Variants in TIGIT observed in about 807,000 individuals in gnomAD.
TIGIT encodes T cell immunoreceptor with Ig and ITIM domains, also known as T-cell immunoreceptor with Ig and ITIM domains.
In TIGIT, 11 loss-of-function variants were observed where a neutral mutation model predicts 19.6. The ratio of observed to expected loss-of-function variants is 0.56; its 90% CI spans 0.35 to 0.93. The LOEUF is 0.93. Among genes scored for constraint, TIGIT ranks in the 40% least tolerant of loss-of-function variants. TIGIT has a pLI of 0.01. For missense variants in TIGIT, 295 were observed against 303.9 expected, an observed-to-expected ratio of 0.97 and a Z score of 0.22; for synonymous variants, 130 against 125.5, an observed-to-expected ratio of 1.04 and a Z score of -0.24.
At chr3:114,307,169 G>C (rs573110661) in intron 3 of TIGIT, among the ~76,000 whole-genome samples, 6 of 152,198 alleles carry the variant, frequency 3.9e-5, no homozygotes, top group Non-Finnish European at 7.3e-5. Flanking sequence ...ATAGGGGCAG[G>C]AGTGGTTTGT....
rs561567015 is a variant in TIGIT, at chr3:114,308,062, G to T, written c.666G>T (p.Leu222=). Residue 222 remains leucine (L), a synonymous_variant, in exon 4 of 4, where the codon CTG becomes CTT. Coordinates refer to ENST00000383671, the MANE Select transcript of TIGIT (RefSeq NM_173799.4). ...AGCGGGGAGAGGACTGTGCCGAGCT[G>T]CATGACTACTTCAATGTCCTGAGTT... ...GEQRGEDCAE[L]HDYFNVLSYR... The T allele has an allele frequency of 8.1e-6, 13 of 1,614,196 alleles. No homozygotes were observed. The highest frequency in any genetic ancestry group is 3.3e-5 in the Admixed American group (2 of 60,022).
At chr3:114,303,897 C>T (rs2078513665) in intron 3 of TIGIT, among the ~76,000 whole-genome samples, 1 of 151,970 alleles carries the variant, frequency 6.6e-6, no homozygotes, top group South Asian at 2.1e-4. Context: ...AAAGTGTTCC[C>T]CTTTCACCAC....
rs561625301 is a variant in TIGIT at position 114,300,307 on chromosome 3, G to A, written c.498+604G>A. ...TGGCGGGAGGATCACTTGACTCTAG[G>A]AGTTCAAGGCTGCAGTGAGCTATGA... On this transcript the variant is annotated intron_variant, in intron 3 of 3. Transcript: ENST00000383671. Among the ~76,000 whole-genome samples, 6 of 152,040 alleles carry A rather than the reference G, an allele frequency of 3.9e-5. No individual in the cohort carries two copies. In the South Asian group the frequency reaches 1.2e-3, roughly 32 times the overall value.
At chr3:114,297,779 C>T (rs1033509480) in intron 2 of TIGIT, among the ~76,000 whole-genome samples, 1 of 152,200 alleles carries the variant, frequency 6.6e-6, no homozygotes, top group Non-Finnish European at 1.5e-5. Context: ...TTCTCTGTGG[C>T]TCATGGACCC....
chr3:114,307,937 A>T lies in TIGIT; in HGVS notation c.541A>T (p.Arg181Ter). The change falls in exon 4 of 4, where the codon AGA (arginine) becomes TGA (stop). Residue 181 changes from arginine (R) to a stop codon, truncating the protein, a stop_gained. Transcript: ENST00000383671. LOFTEE classifies it low-confidence loss of function (END_TRUNC). Reference sequence around the variant, plus strand: ...CCATTCTGTGGAAGGTGACCTCAGGAGAAAATCAGCTGGACAGGAGGAATG... The same window carrying T: ...CCATTCTGTGGAAGGTGACCTCAGGTGAAAATCAGCTGGACAGGAGGAATG... Reference protein sequence around the residue: ...RIHSVEGDLRRKSAGQEEWSP... With the variant: ...RIHSVEGDLR 6.2e-7 allele frequency: 1 copy of T among 1,614,160 alleles called. No individual in the cohort carries two copies. The highest frequency in any genetic ancestry group is 8.5e-7 in the Non-Finnish European group (1 of 1,180,026).
intron 3 of TIGIT, among the ~76,000 whole-genome samples, chr3:114,300,965 C>T (rs2078488668): frequency 6.6e-6 from 1 of 152,140 alleles, no homozygotes; most frequent in Non-Finnish European, 1.5e-5. Flanking sequence ...AAAACCATAG[C>T]TGTATTATAA....
intron 3 of TIGIT, among the ~76,000 whole-genome samples, chr3:114,303,505 GTATATA>G (rs1272943081): frequency 5.1e-5 from 6 of 117,290 alleles, no homozygotes; most frequent in African/African-American, 9.2e-5. Context: ...ATATATATAT[GTATATA>G]TATATACACA....
intron 1 of TIGIT, 89 bp from the exon 2 acceptor site, chr3:114,295,456 G>T: frequency 1.0e-6 from 1 of 953,736 alleles, no homozygotes; most frequent in Non-Finnish European, 1.6e-6. Flanking sequence ...AAATCCAGTT[G>T]GGGCCTCAAA....
At chr3:114,301,724 G>T (rs60802148) in intron 3 of TIGIT, among the ~76,000 whole-genome samples, 41,623 of 152,068 alleles carry the variant, frequency 0.27, 6,564 homozygotes, top group Middle Eastern at 0.38. Context: ...GAGTCCTGTT[G>T]CTCCCTTTCT....
At position 114,310,147 on chromosome 3, in the gene TIGIT, T is replaced by C. The variant is rs2107958643; in HGVS notation, c.*2016T>C. ...TAGTTTAAATCAAGATGTGCTGTTA[T>C]AATTGGTATAAGCATAAAATCACAC... On this transcript the variant is annotated 3_prime_UTR_variant, in exon 4 of 4. Transcript: ENST00000383671. The C allele has an allele frequency of 6.6e-6, 1 of 152,326 alleles. No homozygotes were observed. Among genetic ancestry groups the C allele is most frequent in the African/African-American group, 2.4e-5 (1 of 41,580 alleles). The allele number at this position is 152,326 out of a possible 1,614,324, so 9.4% of individuals were successfully genotyped here.
At chr3:114,306,961 C>G (rs1203900253) in intron 3 of TIGIT, among the ~76,000 whole-genome samples, 1 of 152,050 alleles carries the variant, frequency 6.6e-6, no homozygotes, top group Non-Finnish European at 1.5e-5. Flanking sequence ...TGGAGTTGGA[C>G]TAGAAGTAAG....
In TIGIT at chr3:114,299,698, A is replaced by G. The variant is rs1441561287; in HGVS notation, c.493A>G (p.Arg165Gly). The G allele has an allele frequency of 6.2e-7, 1 of 1,608,292 alleles. No homozygotes were observed. The highest frequency in any genetic ancestry group is 8.5e-7 in the Non-Finnish European group (1 of 1,176,746). ...AGTCATCGTGGTGGTCGCGTTGACTAGAAAGGTAATGGCTCCGGCTGCACA... is the reference window on the plus strand; with the variant it reads ...AGTCATCGTGGTGGTCGCGTTGACTGGAAAGGTAATGGCTCCGGCTGCACA... ...TAVIVVVALT[R>G]KKKALRIHSV... Residue 165 changes from arginine (R) to glycine (G), a missense_variant, in exon 3 of 4, where the codon AGA becomes GGA. Transcript: ENST00000383671.
intron 2 of TIGIT, among the ~76,000 whole-genome samples, chr3:114,297,588 A>C (rs1196416340): frequency 6.6e-6 from 1 of 152,170 alleles, no homozygotes; most frequent in East Asian, 1.9e-4. Context: ...ATCAGGCAGA[A>C]GGCCCCTGTG....
At chr3:114,307,420 G>C (rs1168233789) in intron 3 of TIGIT, among the ~76,000 whole-genome samples, 2 of 152,192 alleles carry the variant, frequency 1.3e-5, no homozygotes, top group Non-Finnish European at 2.9e-5. Context: ...AAAGCAGAGA[G>C]CAGAACCCTG....
intron 2 of TIGIT, 122 bp from the exon 3 acceptor site, chr3:114,299,475 C>G (rs575962481): frequency 4.3e-6 from 3 of 692,238 alleles, no homozygotes; most frequent in Non-Finnish European, 7.8e-6. Context: ...AGGCTCCAGT[C>G]CCATGGTTAC....
Position 114,307,955 on chromosome 3 carries a change from G to A in TIGIT, c.559G>A (p.Glu187Lys), listed in dbSNP as rs1212349351. 1.2e-6 allele frequency: 2 copies of A among 1,614,152 alleles called. No homozygotes were observed. The stretch of plus-strand genomic sequence containing the variant: ...CCTCAGGAGAAAATCAGCTGGACAG[G>A]AGGAATGGAGCCCCAGTGCTCCCTC... ...GDLRRKSAGQEEWSPSAPSPP... is the reference protein window; with the variant it reads ...GDLRRKSAGQKEWSPSAPSPP... The change falls in exon 4 of 4, where the codon GAG becomes AAG. Residue 187 changes from glutamate (E) to lysine (K), a missense_variant. Coordinates refer to ENST00000383671, the MANE Select transcript of TIGIT (RefSeq NM_173799.4).
At chr3:114,294,212 A>G (rs571880795) in intron 1 of TIGIT, 90 bp downstream of exon 1, 11 of 987,992 alleles carry the variant, frequency 1.1e-5, no homozygotes, top group South Asian at 1.6e-5. Flanking sequence ...GAAGACTCCA[A>G]GAGCATGCCA....
At chr3:114,298,265 T>C (rs926038951) in intron 2 of TIGIT, among the ~76,000 whole-genome samples, 11 of 152,222 alleles carry the variant, frequency 7.2e-5, no homozygotes, top group Non-Finnish European at 1.5e-4. Context: ...TTGGTGCTTT[T>C]ATTTCAAACC....
rs771137569 is a variant in TIGIT at position 114,295,666 on chromosome 3, G to A, written c.183G>A (p.Gln61=). Residue 61 remains glutamine (Q), a synonymous_variant, in exon 2 of 4, where the codon CAG becomes CAA. Transcript: ENST00000383671. ...TAQVTQVNWE[Q]QDQLLAICNA... ...AAGTGACCCAGGTCAACTGGGAGCA[G>A]CAGGACCAGCTTCTGGCCATTTGTA... is the stretch of plus-strand genomic sequence containing the variant. The A allele has an allele frequency of 8.1e-6, 13 of 1,614,110 alleles. No homozygotes were observed. Among genetic ancestry groups the A allele is most frequent in the Non-Finnish European group, 1.1e-5 (13 of 1,180,044 alleles).
Sources: gnomAD v4.1 joint callset for allele counts (sites outside exome capture counted in the v4.1 genomes callset) on GRCh38, gnomAD v4.1.1 for gene constraint, MANE v1.5 for transcripts, NCBI Gene and HGNC (gene_info 2026-07-23, HGNC 2026-07-21) for gene names.